The following ARL13A variants were observed in gnomAD, a reference collection of about 807,000 sequenced individuals.
ARL13A encodes ARF like GTPase 13A.
In ARL13A, 16 loss-of-function variants were observed where a neutral mutation model predicts 19.1. The ratio of observed to expected loss-of-function variants is 0.84; its 90% CI spans 0.57 to 1.27. The LOEUF (loss-of-function observed/expected upper bound fraction) is 1.27, where lower values mean the gene tolerates loss of function less well. Among genes scored for constraint, ARL13A ranks in the 50% most tolerant of loss-of-function variants. The pLI, the probability that ARL13A is intolerant of heterozygous loss-of-function variation, is 0.00. For synonymous variants in ARL13A, 69 were observed against 71.3 expected (o/e 0.97, Z 0.17); for missense variants, 153 against 186.4 (o/e 0.82, Z 1.04).
chrX:100,988,922 T>G (rs943398016), intron 7 of ARL13A, among the ~76,000 whole-genome samples: 17 of 102,126 alleles, frequency 1.7e-4, no homozygotes, highest in Non-Finnish European at 7.8e-5. Flanking sequence ...ACCAGTAATC[T>G]CAATTCTTGA....
rs962863974 is a variant in ARL13A, at chrX:100,988,239, G to T, written c.700G>T (p.Glu234Ter). ...GMSKEKRQHLEQCSIEAKPLK... is the reference protein window; with the variant it reads ...GMSKEKRQHL ...GTCAAAGGAGAAAAGACAGCATCTA[G>T]AACAATGCTCAATCGAAGCTAAGCC... The change falls in exon 7 of 8, where the codon GAA (glutamate) becomes TAA (stop). Residue 234 changes from glutamate to a stop codon, truncating the protein, a stop_gained. Transcript: ENST00000450049. LOFTEE classifies it high-confidence loss of function. 2 of 1,209,408 alleles carry T rather than the reference G, an allele frequency of 1.7e-6. No homozygotes were observed. The highest frequency in any genetic ancestry group is 1.1e-6 in the Non-Finnish European group (1 of 894,410).
intron 3 of ARL13A, among the ~76,000 whole-genome samples, chrX:100,980,169 G>T (rs946059541): frequency 9.0e-6 from 1 of 111,689 alleles, no homozygotes; most frequent in African/African-American, 3.3e-5. Flanking sequence ...GCCAGGACAG[G>T]GTATTTCCCT....
At chrX:100,976,849 T>C (rs1447127626) in intron 3 of ARL13A, among the ~76,000 whole-genome samples, 2 of 112,513 alleles carry the variant, frequency 1.8e-5, no homozygotes, top group African/African-American at 6.5e-5. Flanking sequence ...CCACCCGCCT[T>C]GGCCTCCCAA....
At chrX:100,986,271 A>G (rs757867747) in intron 4 of ARL13A, among the ~76,000 whole-genome samples, 2 of 111,873 alleles carry the variant, frequency 1.8e-5, no homozygotes, top group Non-Finnish European at 3.8e-5. Flanking sequence ...AAACCTCATG[A>G]TAGCAGAGAA....
chrX:100,985,594 G>A (rs111490962), intron 3 of ARL13A, 73 bp from the exon 4 acceptor site: 13 of 1,119,743 alleles, frequency 1.2e-5, no homozygotes, highest in Admixed American at 1.1e-4. Flanking sequence ...AATCGGAACC[G>A]ACTCTACTCC....
At position 100,990,616 on chromosome X, in the gene ARL13A, C is replaced by T. The variant is rs1287258994; in HGVS notation, c.*28C>T. ...GGCTCAAGAAGAGTGAGATGGCATC[C>T]ATTGAGAATGAAGACCACCTTGGTA... On this transcript the variant is annotated 3_prime_UTR_variant, in exon 8 of 8. Transcript: ENST00000450049. 7 of 1,134,164 alleles carry T rather than the reference C, an allele frequency of 6.2e-6. No homozygotes were observed. The highest frequency in any genetic ancestry group is 8.3e-6 in the Non-Finnish European group (7 of 845,829). The allele number at this position is 1,134,164 out of a possible 1,213,427, so 93.5% of individuals were successfully genotyped here.
intron 3 of ARL13A, among the ~76,000 whole-genome samples, chrX:100,982,055 C>T (rs1438924065): frequency 9.0e-6 from 1 of 110,835 alleles, no homozygotes; most frequent in African/African-American, 3.3e-5. Flanking sequence ...ACCACTGGCA[C>T]AAGCAGGTGT....
At chrX:100,978,028 G>T (rs761251055) in intron 3 of ARL13A, among the ~76,000 whole-genome samples, 1 of 112,100 alleles carries the variant, frequency 8.9e-6, no homozygotes, top group African/African-American at 3.2e-5. Flanking sequence ...TACACAGCAG[G>T]TGGATTGCTG....
At chrX:100,969,928 C>T (rs1419609243) in intron 1 of ARL13A, 119 bp downstream of exon 1, 1 of 112,105 alleles carries the variant, frequency 8.9e-6, no homozygotes, top group African/African-American at 3.2e-5. Context: ...AAGGATCAGT[C>T]CAGCAATCCC....
At chrX:100,977,569 C>T (rs780937961) in intron 3 of ARL13A, among the ~76,000 whole-genome samples, 1 of 109,768 alleles carries the variant, frequency 9.1e-6, no homozygotes, top group East Asian at 2.9e-4. Context: ...TTATTAGAGA[C>T]GAGGTCTCAC....
In ARL13A at chrX:100,985,783, C is replaced by G; in HGVS notation, c.247C>G (p.Pro83Ala). ...NGDLKGREAW[P>A]NYYAQAHGLV... ...AGACCTGAAGGGCCGGGAAGCATGGCCAAACTACTATGCACAGGCCCATGG... is the reference window on the plus strand; with the variant it reads ...AGACCTGAAGGGCCGGGAAGCATGGGCAAACTACTATGCACAGGCCCATGG... The change falls in exon 4 of 8, where the codon CCA becomes GCA. Residue 83 changes from proline to alanine, a missense_variant. By Grantham distance (27) the Pro-to-Ala change is conservative. Transcript: ENST00000450049. 8.3e-7 allele frequency: 1 copy of G among 1,211,535 alleles called. No homozygotes were observed. The highest frequency in any genetic ancestry group is 1.1e-6 in the Non-Finnish European group (1 of 895,400).
At chrX:100,986,966 CTA>C in intron 5 of ARL13A, 65 bp downstream of exon 5, 1 of 763,162 alleles carries the variant, frequency 1.3e-6, no homozygotes, top group Non-Finnish European at 1.9e-6. Context: ...TTGGCCCATT[CTA>C]TAGTCAGTCC....
At chrX:100,972,646 G>A (rs1602433991) in intron 1 of ARL13A, among the ~76,000 whole-genome samples, 1 of 22,055 alleles carries the variant, frequency 4.5e-5, no homozygotes, top group African/African-American at 1.9e-4. Context: ...CGGACGGGGC[G>A]GCTGGCCGGG....
intron 3 of ARL13A, among the ~76,000 whole-genome samples, chrX:100,981,972 C>G (rs1189657041): frequency 9.1e-6 from 1 of 109,871 alleles, no homozygotes; most frequent in Non-Finnish European, 1.9e-5. Flanking sequence ...GCCGCCATCT[C>G]CAAGTCATTA....
rs1368677783 is a variant in ARL13A, at chrX:100,974,150, G to A, written c.83G>A (p.Gly28Asp). 8.4e-7 allele frequency: 1 copy of A among 1,190,399 alleles called. No individual in the cohort carries two copies. Among genetic ancestry groups the A allele is most frequent in the African/African-American group, 1.8e-5 (1 of 56,489 alleles). ...AGGAATGTGACCATCCCTATCATTG[G>A]CTTGAACAACTCTGGCAAAACTGTT... ...TRRNVTIPIIGLNNSGKTVLV... is the reference protein window; with the variant it reads ...TRRNVTIPIIDLNNSGKTVLV... Residue 28 changes from glycine (G) to aspartate (D), a missense_variant, in exon 3 of 8, where the codon GGC becomes GAC. Gly to Asp is a moderately conservative substitution (Grantham distance 94, BLOSUM62 -1). Coordinates refer to ENST00000450049, the MANE Select transcript of ARL13A (RefSeq NM_001162491.2).
At chrX:100,971,143 C>T (rs1170776886) in intron 1 of ARL13A, among the ~76,000 whole-genome samples, 3 of 103,784 alleles carry the variant, frequency 2.9e-5, no homozygotes, top group African/African-American at 7.1e-5. Context: ...AATCCAGCTG[C>T]GCATTGACAT....
chrX:100,979,415 A>G (rs1159779283), intron 3 of ARL13A, among the ~76,000 whole-genome samples: 1 of 111,755 alleles, frequency 8.9e-6, no homozygotes, highest in Non-Finnish European at 1.9e-5. Context: ...TCTAGGATAA[A>G]AGTTTTTTTC....
chrX:100,987,611 T>C, intron 6 of ARL13A, 55 bp downstream of exon 6: 1 of 1,167,129 alleles, frequency 8.6e-7, no homozygotes, highest in Non-Finnish European at 1.2e-6. Flanking sequence ...GGGATCAGTC[T>C]TTCTCACGAG....
intron 3 of ARL13A, 86 bp downstream of exon 3, chrX:100,974,283 C>G (rs2085726291): frequency 1.4e-6 from 1 of 704,707 alleles, no homozygotes. Flanking sequence ...CCTAGCATTA[C>G]TTCATGGCCC....
Sources: gnomAD v4.1 joint callset for allele counts (sites outside exome capture counted in the v4.1 genomes callset) on GRCh38, gnomAD v4.1.1 for gene constraint, MANE v1.5 for transcripts, NCBI Gene and HGNC (gene_info 2026-07-23, HGNC 2026-07-21) for gene names.